The following FRY variants were observed in gnomAD, a reference collection of about 807,000 sequenced individuals.
FRY encodes protein furry homolog.
A neutral mutation model predicts 348.4 loss-of-function variants in FRY; 128 were observed. The observed-to-expected ratio is 0.37, with a 90% CI of 0.32 to 0.43. The LOEUF is 0.43. FRY is among the 20% of genes least tolerant of loss of function. FRY has a pLI of 1.00. For missense variants in FRY, 2,736 were observed against 3,695.2 expected, an observed-to-expected ratio of 0.74 and a Z score of 6.73; for synonymous variants, 1,370 against 1,374.7, an observed-to-expected ratio of 1.00 and a Z score of 0.08.
Position 32,296,066 on chromosome 13 carries a change from G to A in FRY, c.*606G>A, listed in dbSNP as rs2072056964. ...ACACTGTAATTTGAATACAATTACTGTATCTAAAAGGAGCTGCTATGAAGT... is the reference window on the plus strand; with the variant it reads ...ACACTGTAATTTGAATACAATTACTATATCTAAAAGGAGCTGCTATGAAGT... On this transcript the variant is annotated 3_prime_UTR_variant, in exon 61 of 61. Transcript: ENST00000542859. 6.5e-6 allele frequency: 1 copy of A among 153,748 alleles called. No individual in the cohort carries two copies. The highest frequency in any genetic ancestry group is 2.4e-5 in the African/African-American group (1 of 41,464). The allele number at this position is 153,748 out of a possible 1,614,324, so 9.5% of individuals were successfully genotyped here. A position where few individuals can be genotyped will look rare whatever the true frequency, so the allele number is the denominator to read the frequency against.
intron 1 of FRY, 57 bp from the exon 2 acceptor site, chr13:32,078,777 A>T: frequency 8.1e-7 from 1 of 1,228,194 alleles, no homozygotes; most frequent in Non-Finnish European, 1.2e-6. Context: ...AACACAGTCC[A>T]TCTGAATATT....
At chr13:32,090,596 C>T (rs1230847231) in intron 2 of FRY, among the ~76,000 whole-genome samples, 2 of 151,948 alleles carry the variant, frequency 1.3e-5, no homozygotes, top group Admixed American at 6.6e-5. Context: ...ATAACATGCA[C>T]AGTTAGAGGG....
rs1217728734 is a variant in FRY at position 32,295,986 on chromosome 13, A to G, written c.*526A>G. On this transcript the variant is annotated 3_prime_UTR_variant, in exon 61 of 61. Transcript: ENST00000542859. ...CACTGAAAACTGTAAGATGGTCAAA[A>G]GCTGACAGCCTGTGTATGTGAAAAG... The G allele has an allele frequency of 6.0e-6, 1 of 167,624 alleles. No homozygotes were observed. The highest frequency in any genetic ancestry group is 1.3e-5 in the Non-Finnish European group (1 of 76,220). 10.4% of individuals were successfully genotyped at this position (167,624 alleles called of 1,614,324 possible).
chr13:32,094,769 A>G (rs189957870), intron 2 of FRY, among the ~76,000 whole-genome samples: 1 of 152,280 alleles, frequency 6.6e-6, no homozygotes. Context: ...CTTGATGGAC[A>G]CTTAGGTTGC....
intron 1 of FRY, among the ~76,000 whole-genome samples, chr13:32,052,196 C>T: frequency 6.6e-6 from 1 of 152,222 alleles, no homozygotes; most frequent in East Asian, 1.9e-4. Context: ...GACCACCTCC[C>T]AGTCTCACCT....
Position 32,289,623 on chromosome 13 carries a change from C to T in FRY, c.8470-10C>T. 6 of 1,485,900 alleles carry T rather than the reference C, an allele frequency of 4.0e-6. No individual in the cohort carries two copies. Among genetic ancestry groups the T allele is most frequent in the Non-Finnish European group, 4.7e-6 (5 of 1,062,970 alleles). The allele number at this position is 1,485,900 out of a possible 1,614,324, so 92.0% of individuals were successfully genotyped here. A position where few individuals can be genotyped will look rare whatever the true frequency, so the allele number is the denominator to read the frequency against. ...ATAACTGTTTCTTCCCATGCAATTT[C>T]TCTCTTTAGCAATTGGAACTGTGTC... On this transcript the variant is annotated splice_polypyrimidine_tract_variant and intron_variant, in intron 58 of 60. Coordinates refer to ENST00000542859, the MANE Select transcript of FRY (RefSeq NM_023037.3).
intron 1 of FRY, among the ~76,000 whole-genome samples, chr13:32,068,348 G>T (rs562450153): frequency 6.6e-6 from 1 of 152,284 alleles, no homozygotes; most frequent in East Asian, 1.9e-4. Flanking sequence ...GGGAGAAAAA[G>T]GAAGTTGAAA....
intron 4 of FRY, among the ~76,000 whole-genome samples, chr13:32,119,251 A>G (rs1424597127): frequency 6.6e-6 from 1 of 152,186 alleles, no homozygotes; most frequent in East Asian, 1.9e-4. Flanking sequence ...CTACTAGGAA[A>G]AAAAGGTTGG....
At chr13:32,247,637 G>C in intron 48 of FRY, 135 bp downstream of exon 48, 1 of 776,288 alleles carries the variant, frequency 1.3e-6, no homozygotes. Flanking sequence ...GCTAAATTAG[G>C]TTTTGCTTTT....
intron 15 of FRY, among the ~76,000 whole-genome samples, chr13:32,156,205 A>G (rs1881096672): frequency 6.6e-6 from 1 of 152,240 alleles, no homozygotes; most frequent in South Asian, 2.1e-4. Context: ...ACCTACTACA[A>G]ACTTTATTAA....
At chr13:32,064,497 C>A (rs1874126626) in intron 1 of FRY, among the ~76,000 whole-genome samples, 1 of 152,012 alleles carries the variant, frequency 6.6e-6, no homozygotes, top group Non-Finnish European at 1.5e-5. Context: ...TGCCTCTCTC[C>A]CTGCACACTG....
At chr13:32,244,434 C>T (rs1369601704) in intron 47 of FRY, among the ~76,000 whole-genome samples, 2 of 152,180 alleles carry the variant, frequency 1.3e-5, no homozygotes, top group South Asian at 2.1e-4. Flanking sequence ...GGGCCACAGG[C>T]TGAGTATTGA....
At chr13:32,122,624 A>C (rs936241153) in intron 4 of FRY, among the ~76,000 whole-genome samples, 5 of 152,194 alleles carry the variant, frequency 3.3e-5, no homozygotes, top group African/African-American at 9.7e-5. Flanking sequence ...TGAGAACTGG[A>C]ACAAGACAAG....
At chr13:32,154,157 CA>C (rs897202397) in intron 14 of FRY, among the ~76,000 whole-genome samples, 47 of 152,258 alleles carry the variant, frequency 3.1e-4, no homozygotes, top group African/African-American at 1.1e-3. Flanking sequence ...TTCTTATCCA[CA>C]ACATTGCTGT....
chr13:32,143,140 CAT>C (rs1242166200), intron 11 of FRY, among the ~76,000 whole-genome samples: 2 of 152,286 alleles, frequency 1.3e-5, no homozygotes, highest in Admixed American at 6.5e-5. Flanking sequence ...AAAGGCCCCT[CAT>C]GTGCTATATT....
chr13:32,187,825 T>C (rs1329110151), intron 28 of FRY, among the ~76,000 whole-genome samples, 169 bp downstream of exon 28: 1 of 152,142 alleles, frequency 6.6e-6, no homozygotes, highest in Non-Finnish European at 1.5e-5. Flanking sequence ...ATAAAAAAGA[T>C]AGTAACATTT....
At chr13:32,184,500 G>A in intron 24 of FRY, 100 bp from the exon 25 acceptor site, 1 of 748,478 alleles carries the variant, frequency 1.3e-6, no homozygotes, top group Non-Finnish European at 2.4e-6. Context: ...TTAGAAAATT[G>A]AAAATGACTA....
intron 1 of FRY, among the ~76,000 whole-genome samples, chr13:32,069,401 A>G (rs967914219): frequency 3.9e-5 from 6 of 152,124 alleles, no homozygotes; most frequent in South Asian, 2.1e-4. Context: ...CCAAATTACA[A>G]CGTTTATGTT....
At chr13:32,170,353 C>T (rs1052572128) in intron 17 of FRY, among the ~76,000 whole-genome samples, 2 of 152,198 alleles carry the variant, frequency 1.3e-5, no homozygotes, top group East Asian at 1.9e-4. Context: ...ATTGGAAAAC[C>T]GGTGAAATCT....
Sources: allele counts gnomAD v4.1 joint callset (sites outside exome capture counted in the v4.1 genomes callset), GRCh38; gene constraint gnomAD v4.1.1; transcripts MANE v1.5; gene names NCBI Gene and HGNC (gene_info 2026-07-23, HGNC 2026-07-21).